The following BOP1 variants were observed in gnomAD, a reference collection of about 807,000 sequenced individuals.
BOP1 encodes ribosome biogenesis protein BOP1.
Under a neutral mutation model 82.9 loss-of-function variants are expected in BOP1, and 54 were observed. The observed-to-expected ratio is 0.65, with a 90% CI of 0.52 to 0.82. BOP1 has a LOEUF of 0.82. BOP1 is among the 40% of genes least tolerant of loss of function. The pLI is 0.00. For missense variants in BOP1, 1,170 were observed against 1,072.0 expected, an observed-to-expected ratio of 1.09 and a Z score of -1.28; for synonymous variants, 566 against 451.1, an observed-to-expected ratio of 1.25 and a Z score of -3.23.
intron 2 of BOP1, among the ~76,000 whole-genome samples, chr8:144,278,306 G>T (rs1031784341): frequency 1.3e-5 from 2 of 152,174 alleles, no homozygotes; most frequent in African/African-American, 4.8e-5. Context: ...TGAACCCTGC[G>T]TGGCCTCTGC....
intron 3 of BOP1, among the ~76,000 whole-genome samples, chr8:144,273,209 G>A (rs971434208): frequency 6.6e-6 from 1 of 152,226 alleles, no homozygotes; most frequent in Admixed American, 6.5e-5. Flanking sequence ...AGCACTGGAG[G>A]CAGCTGCCGG....
chr8:144,287,507 A>C (rs1554839601), intron 2 of BOP1, among the ~76,000 whole-genome samples: 1 of 151,240 alleles, frequency 6.6e-6, no homozygotes, highest in African/African-American at 2.4e-5. Flanking sequence ...GTTTTATCTC[A>C]TAATTTTTTT....
chr8:144,290,998 G>A lies in BOP1; in HGVS notation c.99+274C>T, dbSNP rs570448951. ...GCAAGCCGAGCCCTTTTATTGGCAG[G>A]ATGCACAAATGGAACGGCTGGAGAG... On this transcript the variant is annotated intron_variant, in intron 1 of 15. Coordinates refer to ENST00000569669, the MANE Select transcript of BOP1 (RefSeq NM_015201.5). 4.2e-3 allele frequency among the ~76,000 whole-genome samples: 634 copies of A among 152,338 alleles called. 4 individuals are homozygous for A. Among genetic ancestry groups the A allele is most frequent in the African/African-American group, 0.015 (614 of 41,570 alleles).
At chr8:144,290,146 G>A (rs1588612702) in intron 1 of BOP1, among the ~76,000 whole-genome samples, 2 of 152,228 alleles carry the variant, frequency 1.3e-5, no homozygotes, top group East Asian at 3.9e-4. Flanking sequence ...ATCACCTGAG[G>A]TCAGGAGTTC....
chr8:144,271,775 G>C (rs112872947), intron 3 of BOP1, among the ~76,000 whole-genome samples: 1 of 152,122 alleles, frequency 6.6e-6, no homozygotes, highest in Admixed American at 6.5e-5. Context: ...TGGGGCCCCA[G>C]GCAGGAGGAG....
At chr8:144,268,135 G>C (rs1342220965) in intron 3 of BOP1, 8 of 1,551,590 alleles carry the variant, frequency 5.2e-6, no homozygotes, top group South Asian at 4.8e-5. Context: ...ACAGCGATTC[G>C]CAGTTAGGAG....
intron 8 of BOP1, 23 bp downstream of exon 8, chr8:144,263,958 C>G (rs1845299245): frequency 6.2e-7 from 1 of 1,611,200 alleles, no homozygotes; most frequent in Non-Finnish European, 8.5e-7. Flanking sequence ...GTGCCACCCC[C>G]CTGGTGTGCC....
intron 2 of BOP1, among the ~76,000 whole-genome samples, chr8:144,278,080 G>A (rs140433689): frequency 1.1e-4 from 16 of 152,334 alleles, no homozygotes; most frequent in African/African-American, 2.9e-4. Context: ...CGCAGTGTGC[G>A]TGGCCTGACT....
At chr8:144,270,316 A>G (rs1554837637) in intron 3 of BOP1, among the ~76,000 whole-genome samples, 28 of 152,130 alleles carry the variant, frequency 1.8e-4, no homozygotes, top group Non-Finnish European at 3.1e-4. Flanking sequence ...GAGACGTCAG[A>G]GCCCCCGTGG....
Position 144,264,141 on chromosome 8 carries a change from C to A in BOP1, c.980G>T (p.Arg327Leu), listed in dbSNP as rs908579444. 9 of 1,610,598 alleles carry A rather than the reference C, an allele frequency of 5.6e-6. No individual in the cohort carries two copies. In the African/African-American group the frequency reaches 1.1e-4, roughly 19 times the overall value. The part of the protein sequence containing the change: ...PPEYLLSEEE[R>L]LAWEQQEPGE... ...TGGCTCCTGCTGTTCCCACGCCAAG[C>A]GCTGTGGAGACCAAGACACAGGGGT... The change falls in exon 8 of 16, where the codon CGC (arginine) becomes CTC (leucine). Residue 327 changes from arginine (R) to leucine (L), a missense_variant and splice_region_variant. Arg to Leu is a moderately radical substitution (Grantham distance 102). Coordinates refer to ENST00000569669, the MANE Select transcript of BOP1 (RefSeq NM_015201.5).
chr8:144,268,483 A>C, intron 3 of BOP1: 1 of 426,284 alleles, frequency 2.3e-6, no homozygotes, highest in Non-Finnish European at 4.2e-6. Flanking sequence ...TCTTCCAAAT[A>C]TGGAGGCCAA....
intron 2 of BOP1, among the ~76,000 whole-genome samples, chr8:144,285,061 A>T (rs782047635): frequency 6.6e-6 from 1 of 152,208 alleles, no homozygotes; most frequent in Non-Finnish European, 1.5e-5. Context: ...ACTTGGAATC[A>T]GATTTATGGA....
intron 3 of BOP1, chr8:144,265,302 C>T: frequency 1.7e-6 from 1 of 603,130 alleles, no homozygotes; most frequent in Non-Finnish European, 2.9e-6. Flanking sequence ...TGCACCTTCA[C>T]ATTTTCCACT....
intron 3 of BOP1, chr8:144,266,566 G>A: frequency 2.0e-6 from 2 of 1,009,482 alleles, no homozygotes; most frequent in South Asian, 4.4e-5. Flanking sequence ...CGCAGGAGGC[G>A]GCATGAGCAG....
At position 144,291,249 on chromosome 8, in the gene BOP1, C is replaced by A; in HGVS notation, c.99+23G>T. 1 of 1,446,846 alleles carries A rather than the reference C, an allele frequency of 6.9e-7. No homozygotes were observed. Among genetic ancestry groups the A allele is most frequent in the Non-Finnish European group, 9.1e-7 (1 of 1,102,044 alleles). The allele number at this position is 1,446,846 out of a possible 1,614,324, so 89.6% of individuals were successfully genotyped here. Reference sequence around the variant, plus strand: ...CCGGGCCCTCTAGGGACGCGCCCCGCCGCCCCGCATCGCCACAGTCACCTC... The same window carrying A: ...CCGGGCCCTCTAGGGACGCGCCCCGACGCCCCGCATCGCCACAGTCACCTC... On this transcript the variant is annotated intron_variant, in intron 1 of 15. Coordinates refer to ENST00000569669, the MANE Select transcript of BOP1 (RefSeq NM_015201.5). This position sits in a 1 kb window ranked among gnomAD's most constrained non-coding sequence, Gnocchi z 4.1.
intron 3 of BOP1, among the ~76,000 whole-genome samples, chr8:144,272,854 C>T (rs765719188): frequency 6.6e-6 from 1 of 152,232 alleles, no homozygotes; most frequent in African/African-American, 2.4e-5. Flanking sequence ...GCCTTCAAGC[C>T]GGCCAAGGGG....
In BOP1 at chr8:144,264,057, G is replaced by A; in HGVS notation, c.1064C>T (p.Ala355Val). 1.2e-6 allele frequency: 2 copies of A among 1,610,068 alleles called. No homozygotes were observed. Among genetic ancestry groups the A allele is most frequent in the Non-Finnish European group, 1.7e-6 (2 of 1,179,732 alleles). Residue 355 changes from alanine (A) to valine (V), a missense_variant, in exon 8 of 16, where the codon GCC becomes GTC. Physicochemically the swap from Ala to Val is moderately conservative, Grantham distance 64. Transcript: ENST00000569669. Reference sequence around the variant, plus strand: ...GCGTTCCTGGATGAAGCGTCCGTAGGCAGGCACGGCCCGCAGGCTCGGGAA... The same window carrying A: ...GCGTTCCTGGATGAAGCGTCCGTAGACAGGCACGGCCCGCAGGCTCGGGAA... The part of the protein sequence containing the change: ...RKFPSLRAVP[A>V]YGRFIQERFE...
chr8:144,266,759 T>C, intron 3 of BOP1: 1 of 1,051,578 alleles, frequency 9.5e-7, no homozygotes, highest in Non-Finnish European at 1.1e-6. Context: ...CGCTGCGGCC[T>C]CCAGGGCGCC....
At chr8:144,267,240 G>A in intron 3 of BOP1, 15 of 1,453,200 alleles carry the variant, frequency 1.0e-5, no homozygotes, top group Non-Finnish European at 1.3e-5. Flanking sequence ...GCCCACACCT[G>A]CCAGGCAGAG....
Sources: allele counts gnomAD v4.1 joint callset (sites outside exome capture counted in the v4.1 genomes callset), GRCh38; gene constraint gnomAD v4.1.1; non-coding constraint Gnocchi (gnomAD v3.1); transcripts MANE v1.5; gene names NCBI Gene and HGNC (gene_info 2026-07-23, HGNC 2026-07-21).